Variants in CFAP68 observed in about 807,000 individuals in gnomAD.
CFAP68 encodes cilia- and flagella-associated protein 68.
chr11:111,884,065 A>G, the CFAP68 span: 7 of 498,368 alleles, frequency 1.4e-5, no homozygotes, highest in African/African-American at 6.0e-5. Flanking sequence ...AAAGCAAAAA[A>G]CACAGTAAAT....
chr11:111,880,911 TAAG>T, the CFAP68 span: 11 of 409,134 alleles, frequency 2.7e-5, 1 homozygote, highest in South Asian at 1.2e-4. Context: ...AGATTTTAAA[TAAG>T]AAGATGATAC....
the CFAP68 span, chr11:111,882,450 A>T: frequency 1.9e-6 from 3 of 1,614,084 alleles, no homozygotes; most frequent in Non-Finnish European, 2.5e-6. Context: ...GTGTGGACAG[A>T]TTGGAATAAT....
At chr11:111,881,195 A>G in the CFAP68 span, 15 of 1,298,562 alleles carry the variant, frequency 1.2e-5, no homozygotes, top group Non-Finnish European at 1.5e-5. Flanking sequence ...GTGGATGGTG[A>G]TGTCTGTCAT....
the CFAP68 span, chr11:111,883,040 T>C: frequency 1.1e-6 from 1 of 923,532 alleles, no homozygotes; most frequent in Non-Finnish European, 1.7e-6. Flanking sequence ...CCATCTAAAA[T>C]ATGACAGTCC....
chr11:111,885,153 A>G, the CFAP68 span: 1 of 148,422 alleles, frequency 6.7e-6, no homozygotes, highest in Non-Finnish European at 1.5e-5. Flanking sequence ...CTCCGTCTCA[A>G]AAAAAAAAAA....
the CFAP68 span, chr11:111,884,315 AAC>A: frequency 8.3e-5 from 13 of 156,634 alleles, no homozygotes; most frequent in Middle Eastern, 3.0e-3. Flanking sequence ...CTCTACTAAA[AAC>A]ACAAAAATTA....
the CFAP68 span, chr11:111,880,677 C>A: frequency 2.4e-6 from 1 of 423,966 alleles, no homozygotes; most frequent in South Asian, 1.7e-5. Flanking sequence ...ACCAGCTGCC[C>A]TCAGGGTTGC....
the CFAP68 span, chr11:111,882,526 C>G: frequency 6.2e-7 from 1 of 1,613,930 alleles, no homozygotes; most frequent in African/African-American, 1.3e-5. Flanking sequence ...CAAACCGTAC[C>G]CTGATGGGCA....
At chr11:111,881,314 A>G in the CFAP68 span, 1 of 1,444,158 alleles carries the variant, frequency 6.9e-7, no homozygotes, top group Non-Finnish European at 9.0e-7. Flanking sequence ...ACATCAGTGC[A>G]TGCATCTGTC....
the CFAP68 span, chr11:111,882,444 G>A: frequency 1.9e-6 from 3 of 1,614,144 alleles, no homozygotes; most frequent in Non-Finnish European, 2.5e-6. Flanking sequence ...GGTGAAGTGT[G>A]GACAGATTGG....
chr11:111,885,444 G>A, the CFAP68 span: 1 of 152,198 alleles, frequency 6.6e-6, no homozygotes, highest in African/African-American at 2.4e-5. Context: ...ACCTATTGTA[G>A]TGTAGCAAAG....
At chr11:111,882,424 A>G in the CFAP68 span, 1 of 1,614,224 alleles carries the variant, frequency 6.2e-7, no homozygotes, top group Non-Finnish European at 8.5e-7. Flanking sequence ...TTGTTAATGC[A>G]GATGGCCATG....
the CFAP68 span, chr11:111,883,640 C>A: frequency 3.0e-6 from 2 of 673,002 alleles, no homozygotes; most frequent in Admixed American, 3.0e-5. Flanking sequence ...AATGAGTAAA[C>A]AGGATTTTTT....
chr11:111,881,604 T>C, the CFAP68 span: 1 of 1,534,404 alleles, frequency 6.5e-7, no homozygotes, highest in East Asian at 2.4e-5. Flanking sequence ...AAGTTACTCT[T>C]CTTCAGGAAA....
the CFAP68 span, chr11:111,883,092 G>T: frequency 2.9e-6 from 4 of 1,363,718 alleles, no homozygotes; most frequent in Non-Finnish European, 4.1e-6. Context: ...CCTGATGTTA[G>T]CTGTAGACTT....
the CFAP68 span, chr11:111,883,678 A>C: frequency 9.4e-6 from 8 of 847,040 alleles, no homozygotes; most frequent in South Asian, 1.1e-4. Flanking sequence ...CTTACTGTCT[A>C]TTCCCTAGAA....
the CFAP68 span, chr11:111,879,698 A>G: frequency 1.5e-6 from 2 of 1,375,444 alleles, no homozygotes; most frequent in East Asian, 4.6e-5. Flanking sequence ...CGATATGTGG[A>G]TGAACAAAAT....
chr11:111,883,678 A>G, the CFAP68 span: 19 of 847,040 alleles, frequency 2.2e-5, no homozygotes, highest in Non-Finnish European at 3.3e-5. Context: ...CTTACTGTCT[A>G]TTCCCTAGAA....
At chr11:111,885,877 A>G in the CFAP68 span, 1 of 151,856 alleles carries the variant, frequency 6.6e-6, no homozygotes, top group Non-Finnish European at 1.5e-5. Context: ...TTTTTTCTAA[A>G]TGGCTATCAA....
Sources: gnomAD v4.1 joint callset for allele counts on GRCh38, gnomAD v4.1.1 for gene constraint, MANE v1.5 for transcripts, NCBI Gene and HGNC (gene_info 2026-07-23, HGNC 2026-07-21) for gene names.